DIS3L2: variants seen among roughly 807,000 people sequenced by gnomAD.
DIS3L2 encodes DIS3 like 3'-5' exoribonuclease 2.
In DIS3L2, 34 loss-of-function variants were observed where a neutral mutation model predicts 97.5. The observed-to-expected ratio is 0.35, with a 90% confidence interval of 0.27 to 0.46. The LOEUF is 0.46. Ranked by LOEUF, DIS3L2 falls within the 20% of genes least tolerant of loss-of-function variation. The pLI is 1.00. For synonymous variants in DIS3L2, 435 were observed against 445.2 expected (o/e 0.98, Z 0.29); for missense variants, 1,038 against 1,146.0 (o/e 0.91, Z 1.36).
At chr2:232,194,731 C>T (rs537473536) in intron 9 of DIS3L2, among the ~76,000 whole-genome samples, 18 of 152,226 alleles carry the variant, frequency 1.2e-4, no homozygotes, top group Admixed American at 1.1e-3. Context: ...ATGAATTTAG[C>T]GCCAGTCCAG....
intron 10 of DIS3L2, 129 bp downstream of exon 10, chr2:232,210,534 C>A: frequency 1.3e-6 from 1 of 766,710 alleles, no homozygotes; most frequent in Non-Finnish European, 2.3e-6. Flanking sequence ...CCTGAACTTG[C>A]CATAGGCCTC....
intron 12 of DIS3L2, among the ~76,000 whole-genome samples, chr2:232,257,826 G>T (rs1283991897): frequency 6.6e-6 from 1 of 152,140 alleles, no homozygotes; most frequent in African/African-American, 2.4e-5. Flanking sequence ...GACATACTTG[G>T]TTTATTTTAC....
chr2:232,333,751 C>G (rs1695842807), intron 16 of DIS3L2, 89 bp from the exon 17 acceptor site: 2 of 1,485,314 alleles, frequency 1.3e-6, no homozygotes. Context: ...CACATCGCTG[C>G]CGACGGTGAG....
intron 1 of DIS3L2, among the ~76,000 whole-genome samples, chr2:231,984,395 T>C: frequency 6.8e-6 from 1 of 146,224 alleles, no homozygotes; most frequent in South Asian, 2.2e-4. Context: ...TTTTTTTTTT[T>C]TTTTTTTTTG....
chr2:232,217,458 T>C (rs1264500184), intron 10 of DIS3L2, among the ~76,000 whole-genome samples: 2 of 152,222 alleles, frequency 1.3e-5, no homozygotes, highest in African/African-American at 4.8e-5. Context: ...AGTTCTGATA[T>C]TCTCCGCCTG....
chr2:232,074,588 TTTTGCTTTTGAGAAAGGATC>T (rs1015720557), intron 5 of DIS3L2, among the ~76,000 whole-genome samples: 1 of 149,716 alleles, frequency 6.7e-6, no homozygotes. Flanking sequence ...TTTTTTTTTT[TTTTGCTTTTGAGAAAGGATC>T]TCGCTCTGTT....
At chr2:232,201,722 C>A (rs1190014869) in intron 9 of DIS3L2, among the ~76,000 whole-genome samples, 1 of 152,080 alleles carries the variant, frequency 6.6e-6, no homozygotes, top group African/African-American at 2.4e-5. Context: ...TAGTTTTGGA[C>A]AATGCATGTT....
chr2:232,085,432 A>G (rs1696545861), intron 5 of DIS3L2, among the ~76,000 whole-genome samples: 1 of 152,194 alleles, frequency 6.6e-6, no homozygotes, highest in Non-Finnish European at 1.5e-5. Context: ...GGTGCCTGGC[A>G]CGAGGTGGGC....
chr2:232,162,485 G>A (rs1690681269), intron 8 of DIS3L2, among the ~76,000 whole-genome samples: 1 of 152,198 alleles, frequency 6.6e-6, no homozygotes, highest in African/African-American at 2.4e-5. Context: ...GTGCACATAA[G>A]AACTCCAGCA....
Position 231,984,005 on chromosome 2 carries a change from T to C in DIS3L2, c.-94+22240T>C, listed in dbSNP as rs572156548. Among the ~76,000 whole-genome samples, 3 of 152,208 alleles carry C rather than the reference T, an allele frequency of 2.0e-5. No homozygotes were observed. In the East Asian group the frequency reaches 5.8e-4, roughly 29 times the overall value. On this transcript the variant is annotated intron_variant, in intron 1 of 20. Transcript: ENST00000325385. ...ATAAAAAGGCTATTTTTGTGTATTG[T>C]TTTTGGGCATTATTGAACTTATATT...
At chr2:232,335,490 T>C in intron 19 of DIS3L2, 2 of 442,396 alleles carry the variant, frequency 4.5e-6, no homozygotes, top group Non-Finnish European at 8.2e-6. Flanking sequence ...CAGTTCTCTG[T>C]CCCCACCTCA....
chr2:231,968,658 G>C lies in DIS3L2; in HGVS notation c.-94+6893G>C, dbSNP rs538036614. ...CCAATTTTAGTTATTAACAAATAAG[G>C]CTTCTATAAAAATTTTGTTTACAAG... is the stretch of plus-strand genomic sequence containing the variant. On this transcript the variant is annotated intron_variant, in intron 1 of 20. Transcript: ENST00000325385. Among the ~76,000 whole-genome samples the C allele has an allele frequency of 7.2e-5, 11 of 152,170 alleles. No individual in the cohort carries two copies. The South Asian group carries it at 2.3e-3, about 32-fold the overall frequency.
chr2:232,183,356 A>G (rs868450299), intron 9 of DIS3L2, among the ~76,000 whole-genome samples: 5 of 152,260 alleles, frequency 3.3e-5, no homozygotes, highest in African/African-American at 7.2e-5. Context: ...TAATGAATAA[A>G]CAGAGATTTC....
At chr2:232,082,822 A>G (rs372137661) in intron 5 of DIS3L2, among the ~76,000 whole-genome samples, 99 of 152,366 alleles carry the variant, frequency 6.5e-4, no homozygotes, top group African/African-American at 2.3e-3. Flanking sequence ...GATCTTCTGT[A>G]TTAGTCCATT....
At position 232,017,514 on chromosome 2, in the gene DIS3L2, T is replaced by G. The variant is rs1037194467; in HGVS notation, c.210+1843T>G. On this transcript the variant is annotated intron_variant, in intron 3 of 20. Coordinates refer to ENST00000325385, the MANE Select transcript of DIS3L2 (RefSeq NM_152383.5). ...CATTCATTAATCCATTCATTTGCTC[T>G]TCATTGTTCAGCCCATATCCCAAAC... Among the ~76,000 whole-genome samples the G allele has an allele frequency of 2.6e-5, 4 of 152,234 alleles. No individual in the cohort carries two copies. The South Asian group carries it at 6.2e-4, about 24-fold the overall frequency.
chr2:232,249,997 T>G (rs1693375040), intron 12 of DIS3L2, among the ~76,000 whole-genome samples: 1 of 152,168 alleles, frequency 6.6e-6, no homozygotes, highest in Non-Finnish European at 1.5e-5. Context: ...AAGATGTCTG[T>G]GCCTGTCGTC....
chr2:232,123,765 G>A (rs560685584), intron 6 of DIS3L2, among the ~76,000 whole-genome samples: 7 of 152,136 alleles, frequency 4.6e-5, no homozygotes, highest in Non-Finnish European at 1.0e-4. Context: ...AGACATTGTA[G>A]GTTTGACCAC....
At chr2:232,113,256 C>T (rs1045853396) in intron 6 of DIS3L2, among the ~76,000 whole-genome samples, 22 of 152,152 alleles carry the variant, frequency 1.4e-4, no homozygotes, top group African/African-American at 5.1e-4. Flanking sequence ...TGGACTATGT[C>T]CTAAATTCTT....
intron 13 of DIS3L2, among the ~76,000 whole-genome samples, chr2:232,283,424 T>A (rs1211428151): frequency 6.6e-6 from 1 of 152,138 alleles, no homozygotes; most frequent in African/African-American, 2.4e-5. Context: ...GCTCAGCTAA[T>A]TTTTTTGAGT....
Sources: allele counts gnomAD v4.1 joint callset (sites outside exome capture counted in the v4.1 genomes callset), GRCh38; gene constraint gnomAD v4.1.1; transcripts MANE v1.5; gene names NCBI Gene and HGNC (gene_info 2026-07-23, HGNC 2026-07-21).